Variants in SLC25A13 observed in about 807,000 individuals in gnomAD.
The protein encoded by SLC25A13 is electrogenic aspartate/glutamate antiporter SLC25A13, mitochondrial.
In SLC25A13, 70 loss-of-function variants were observed where a neutral mutation model predicts 85.5. The observed-to-expected ratio is 0.82, with a 90% CI of 0.68 to 1.00. The LOEUF (loss-of-function observed/expected upper bound fraction) is 1.00. SLC25A13 is among the 50% of genes least tolerant of loss of function. The pLI is 0.00. For missense variants in SLC25A13, 765 were observed against 819.8 expected (o/e 0.93, Z 0.82); for synonymous variants, 259 against 288.7 (o/e 0.90, Z 1.04).
chr7:96,248,877 C>T (rs1054710010), intron 3 of SLC25A13, among the ~76,000 whole-genome samples: 3 of 152,162 alleles, frequency 2.0e-5, no homozygotes, highest in African/African-American at 7.2e-5. Flanking sequence ...TGACAATTCA[C>T]ATTCTGAATG....
intron 1 of SLC25A13, 86 bp downstream of exon 1, chr7:96,321,855 CA>C (rs1800359272): frequency 7.0e-7 from 1 of 1,436,680 alleles, no homozygotes; most frequent in South Asian, 1.4e-5. Context: ...CCTGTGGCAC[CA>C]ACCCAGACAC....
At chr7:96,261,982 T>C (rs549349200) in intron 3 of SLC25A13, among the ~76,000 whole-genome samples, 7 of 152,294 alleles carry the variant, frequency 4.6e-5, no homozygotes, top group South Asian at 2.1e-4. Context: ...AGCATTAATA[T>C]GTTCATCTCT....
chr7:96,203,325 G>A (rs994924627), intron 5 of SLC25A13, among the ~76,000 whole-genome samples: 5 of 152,168 alleles, frequency 3.3e-5, no homozygotes, highest in African/African-American at 1.2e-4. Flanking sequence ...TCTTGGGAGG[G>A]GAGGTCGGTG....
chr7:96,243,912 T>G (rs1284659681), intron 3 of SLC25A13, among the ~76,000 whole-genome samples: 1 of 152,084 alleles, frequency 6.6e-6, no homozygotes, highest in Non-Finnish European at 1.5e-5. Context: ...AATCAGCTGC[T>G]GTTGAAGGGT....
rs1338820862 is a variant in SLC25A13 at position 96,238,793 on chromosome 7, G to T, written c.213-3876C>A. 2.0e-5 allele frequency among the ~76,000 whole-genome samples: 3 copies of T among 152,064 alleles called. No homozygotes were observed. The East Asian group carries it at 5.8e-4, about 29-fold the overall frequency. ...CAGGGGAACTTGCTGGCAGTTTGTTGAGGCCGAAAACAATCATATTTGCTT... is the reference window on the plus strand; with the variant it reads ...CAGGGGAACTTGCTGGCAGTTTGTTTAGGCCGAAAACAATCATATTTGCTT... On this transcript the variant is annotated intron_variant, in intron 3 of 17. Coordinates refer to ENST00000265631, the MANE Select transcript of SLC25A13 (RefSeq NM_014251.3).
At chr7:96,268,748 T>G (rs752112556) in intron 3 of SLC25A13, among the ~76,000 whole-genome samples, 1 of 152,168 alleles carries the variant, frequency 6.6e-6, no homozygotes, top group African/African-American at 2.4e-5. Flanking sequence ...ATCCTTAATA[T>G]GAGGTACAAG....
chr7:96,129,973 G>A (rs1791951899), intron 15 of SLC25A13, among the ~76,000 whole-genome samples: 1 of 152,154 alleles, frequency 6.6e-6, no homozygotes, highest in African/African-American at 2.4e-5. Context: ...ATGTTAAATA[G>A]CAATTATCTT....
chr7:96,221,712 T>A (rs1222857388), intron 4 of SLC25A13, among the ~76,000 whole-genome samples: 3 of 152,236 alleles, frequency 2.0e-5, no homozygotes, highest in Admixed American at 2.0e-4. Context: ...CTCATTTCCA[T>A]ACTTTTAACT....
chr7:96,139,268 C>T (rs1792423363), intron 14 of SLC25A13, among the ~76,000 whole-genome samples: 2 of 152,146 alleles, frequency 1.3e-5, no homozygotes, highest in Admixed American at 1.3e-4. Context: ...GGGTACTATG[C>T]TCACTACCTG....
At chr7:96,195,197 T>C (rs919666814) in intron 5 of SLC25A13, among the ~76,000 whole-genome samples, 7 of 152,270 alleles carry the variant, frequency 4.6e-5, no homozygotes, top group African/African-American at 1.4e-4. Flanking sequence ...TAACCCCATA[T>C]TGTAGATCCC....
At chr7:96,232,306 G>A (rs947126186) in intron 4 of SLC25A13, among the ~76,000 whole-genome samples, 1 of 151,578 alleles carries the variant, frequency 6.6e-6, no homozygotes, top group Non-Finnish European at 1.5e-5. Flanking sequence ...TGGAGCTGGA[G>A]GCCATTATCC....
At chr7:96,163,108 C>T (rs1401293027) in intron 13 of SLC25A13, among the ~76,000 whole-genome samples, 2 of 152,180 alleles carry the variant, frequency 1.3e-5, no homozygotes, top group African/African-American at 2.4e-5. Flanking sequence ...TGCTATTATT[C>T]CTATTACGAT....
intron 1 of SLC25A13, among the ~76,000 whole-genome samples, chr7:96,312,643 G>A (rs541899875): frequency 1.1e-4 from 16 of 152,184 alleles, no homozygotes; most frequent in African/African-American, 1.9e-4. Flanking sequence ...AACAGTCGTC[G>A]TCACTTATGC....
At chr7:96,300,449 G>A (rs1799507822) in intron 1 of SLC25A13, among the ~76,000 whole-genome samples, 2 of 152,184 alleles carry the variant, frequency 1.3e-5, no homozygotes, top group Admixed American at 6.5e-5. Flanking sequence ...GGGCCACACA[G>A]TTAAAGTGCT....
intron 13 of SLC25A13, among the ~76,000 whole-genome samples, chr7:96,156,652 T>C (rs896393229): frequency 2.0e-5 from 3 of 152,044 alleles, no homozygotes; most frequent in Non-Finnish European, 4.4e-5. Flanking sequence ...GGGGTTTCAC[T>C]GTGTTAGCCA....
At chr7:96,292,768 T>C (rs1035822437) in intron 2 of SLC25A13, among the ~76,000 whole-genome samples, 18 of 152,084 alleles carry the variant, frequency 1.2e-4, no homozygotes, top group African/African-American at 4.3e-4. Context: ...CACTGCTCAA[T>C]GAAATAAAAG....
chr7:96,282,778 C>T (rs541732415), intron 2 of SLC25A13, among the ~76,000 whole-genome samples: 29 of 152,192 alleles, frequency 1.9e-4, no homozygotes, highest in African/African-American at 7.0e-4. Context: ...TGGGTGTTTA[C>T]TATTCTATTT....
intron 4 of SLC25A13, among the ~76,000 whole-genome samples, chr7:96,225,697 A>G: frequency 6.6e-6 from 1 of 152,102 alleles, no homozygotes; most frequent in Non-Finnish European, 1.5e-5. Context: ...CCAACCCTTC[A>G]TGGAATACAA....
rs776787438 is a variant in SLC25A13 at position 96,121,719 on chromosome 7, A to G, written c.1777T>C (p.Phe593Leu). 1 of 1,614,180 alleles carries G rather than the reference A, an allele frequency of 6.2e-7. No individual in the cohort carries two copies. The highest frequency in any genetic ancestry group is 2.2e-5 in the East Asian group (1 of 44,882). The change falls in exon 17 of 18, where the codon TTT (phenylalanine) becomes CTT (leucine). Residue 593 changes from phenylalanine to leucine, a missense_variant. By Grantham distance (22) the Phe-to-Leu change is conservative. Coordinates refer to ENST00000265631, the MANE Select transcript of SLC25A13 (RefSeq NM_014251.3). ...GARVFRSSPQ[F>L]GVTLLTYELL... ...TCGTAAGTCAGCAAAGTTACACCAA[A>G]CTGGGGTGAGGATCGAAATACACGA...
Sources: gnomAD v4.1 joint callset for allele counts (sites outside exome capture counted in the v4.1 genomes callset) on GRCh38, gnomAD v4.1.1 for gene constraint, MANE v1.5 for transcripts, NCBI Gene and HGNC (gene_info 2026-07-23, HGNC 2026-07-21) for gene names.